TMEM87B: variants seen among roughly 807,000 people sequenced by gnomAD.
TMEM87B encodes transmembrane protein 87B.
A neutral mutation model predicts 80.3 loss-of-function variants in TMEM87B; 83 were observed. That is an observed-to-expected ratio of 1.03 (90% confidence interval 0.87 to 1.24). TMEM87B has a LOEUF of 1.24. TMEM87B is among the 50% of genes most tolerant of loss of function. The probability of loss-of-function intolerance (pLI) is 0.00; values close to 1 mark genes in which losing one functional copy is unlikely to be tolerated. For synonymous variants in TMEM87B, 219 were observed against 230.5 expected (o/e 0.95, Z 0.45); for missense variants, 625 against 674.4 (o/e 0.93, Z 0.81).
chr2:112,084,225 G>A lies in TMEM87B; in HGVS notation c.839-1780G>A, dbSNP rs115228055. On this transcript the variant is annotated intron_variant, in intron 8 of 18. Coordinates refer to ENST00000283206, the MANE Select transcript of TMEM87B (RefSeq NM_032824.3). ...TCAAGAGGAGTATAGACAGCCCATG[G>A]AGGGATTGACAGCACACTCATCCCT... is the stretch of plus-strand genomic sequence containing the variant. Among the ~76,000 whole-genome samples the A allele has an allele frequency of 8.9e-3, 1,354 of 152,220 alleles. 21 individuals are homozygous for A. Among genetic ancestry groups the A allele is most frequent in the African/African-American group, 0.03 (1,229 of 41,506 alleles).
At chr2:112,101,394 C>T (rs1398518104) in intron 15 of TMEM87B, among the ~76,000 whole-genome samples, 1 of 152,038 alleles carries the variant, frequency 6.6e-6, no homozygotes, top group African/African-American at 2.4e-5. Flanking sequence ...AGTGGCTTAA[C>T]CTCTAGCTAC....
chr2:112,083,351 GT>G (rs1219606025), intron 8 of TMEM87B, among the ~76,000 whole-genome samples: 1 of 152,142 alleles, frequency 6.6e-6, no homozygotes, highest in Non-Finnish European at 1.5e-5. Context: ...GACCGCTGCT[GT>G]TTTCTGTGGT....
At chr2:112,087,256 C>T (rs1165940080) in intron 9 of TMEM87B, among the ~76,000 whole-genome samples, 3 of 152,144 alleles carry the variant, frequency 2.0e-5, no homozygotes, top group African/African-American at 7.2e-5. Flanking sequence ...GGGGAATTTG[C>T]CCAAAAAGAG....
At chr2:112,082,570 TA>T (rs2104477225) in intron 8 of TMEM87B, among the ~76,000 whole-genome samples, 1 of 152,214 alleles carries the variant, frequency 6.6e-6, no homozygotes, top group East Asian at 1.9e-4. Flanking sequence ...ATAAAAAGTT[TA>T]AAAGGACATG....
chr2:112,090,022 T>G (rs1164651472), intron 10 of TMEM87B, among the ~76,000 whole-genome samples: 1 of 152,262 alleles, frequency 6.6e-6, no homozygotes, highest in East Asian at 1.9e-4. Context: ...ATTATGCAGC[T>G]GGTATACCTT....
intron 8 of TMEM87B, among the ~76,000 whole-genome samples, chr2:112,082,737 G>A (rs1679035601): frequency 6.6e-6 from 1 of 151,480 alleles, no homozygotes; most frequent in Admixed American, 6.6e-5. Context: ...TAGATCTGCT[G>A]CTTAGAATTG....
intron 1 of TMEM87B, among the ~76,000 whole-genome samples, chr2:112,058,047 G>A (rs187083535): frequency 2.6e-5 from 4 of 151,818 alleles, no homozygotes; most frequent in African/African-American, 7.2e-5. Context: ...GGCTGGTCTC[G>A]AACTCCTGAC....
At chr2:112,068,101 C>T (rs1678493576) in intron 4 of TMEM87B, among the ~76,000 whole-genome samples, 1 of 152,114 alleles carries the variant, frequency 6.6e-6, no homozygotes, top group Non-Finnish European at 1.5e-5. Flanking sequence ...GTAATCCCAG[C>T]CACTCAGGAG....
chr2:112,060,165 G>A, intron 2 of TMEM87B, 128 bp downstream of exon 2: 3 of 1,062,838 alleles, frequency 2.8e-6, no homozygotes, highest in Non-Finnish European at 3.7e-6. Flanking sequence ...GGCCAACATA[G>A]TGAAACCCCG....
intron 4 of TMEM87B, among the ~76,000 whole-genome samples, chr2:112,068,675 G>T (rs563340282): frequency 2.6e-5 from 4 of 151,980 alleles, no homozygotes; most frequent in Admixed American, 2.6e-4. Flanking sequence ...CTGCACTCCA[G>T]CCTGGGCAAC....
Position 112,066,942 on chromosome 2 carries a change from T to C in TMEM87B, c.325T>C (p.Phe109Leu). Reference sequence around the variant, plus strand: ...AGAATTTTACCTTATATAGGAGCTGTTCCAAAAACATAAACTTAGTGTTGA... The same window carrying C: ...AGAATTTTACCTTATATAGGAGCTGCTCCAAAAACATAAACTTAGTGTTGA... ...HNEHSNLEEL[F>L]QKHKLSVDED... The change falls in exon 4 of 19, where the codon TTC (phenylalanine) becomes CTC (leucine). Residue 109 changes from phenylalanine (F) to leucine (L), a missense_variant. Coordinates refer to ENST00000283206, the MANE Select transcript of TMEM87B (RefSeq NM_032824.3). 1.9e-6 allele frequency: 3 copies of C among 1,601,714 alleles called. No homozygotes were observed. Among genetic ancestry groups the C allele is most frequent in the Non-Finnish European group, 2.6e-6 (3 of 1,175,974 alleles).
In TMEM87B at chr2:112,086,119, G is replaced by A; in HGVS notation, c.938+15G>A. 1 of 1,606,256 alleles carries A rather than the reference G, an allele frequency of 6.2e-7. No homozygotes were observed. The highest frequency in any genetic ancestry group is 8.5e-7 in the Non-Finnish European group (1 of 1,174,464). On this transcript the variant is annotated intron_variant, in intron 9 of 18. Coordinates refer to ENST00000283206, the MANE Select transcript of TMEM87B (RefSeq NM_032824.3). Reference sequence around the variant, plus strand: ...GGCATTGTGAAGTAAGTACTGGCGTGTGGGAAAAATGCTGGGTCCCAGCCC... The same window carrying A: ...GGCATTGTGAAGTAAGTACTGGCGTATGGGAAAAATGCTGGGTCCCAGCCC...
At chr2:112,069,247 G>C (rs970627739) in intron 4 of TMEM87B, among the ~76,000 whole-genome samples, 1 of 148,746 alleles carries the variant, frequency 6.7e-6, no homozygotes, top group Non-Finnish European at 1.5e-5. Context: ...TTTGTTGTAC[G>C]AATTATTTCC....
intron 3 of TMEM87B, among the ~76,000 whole-genome samples, chr2:112,066,521 T>C (rs1678442383): frequency 6.6e-6 from 1 of 152,246 alleles, no homozygotes; most frequent in Non-Finnish European, 1.5e-5. Flanking sequence ...TGCACTCAGC[T>C]ACCTTTGCTG....
rs1680099215 is a variant in TMEM87B at position 112,119,262 on chromosome 2, G to C, written c.*3119G>C. Reference sequence around the variant, plus strand: ...AAGGGTTTTCATTTGAAAAATTGATGTATTTTGTGCCTTAATATTTTGTTC... The same window carrying C: ...AAGGGTTTTCATTTGAAAAATTGATCTATTTTGTGCCTTAATATTTTGTTC... On this transcript the variant is annotated 3_prime_UTR_variant, in exon 19 of 19. Transcript: ENST00000283206. The C allele has an allele frequency of 6.6e-6, 1 of 152,234 alleles. No individual in the cohort carries two copies. Among genetic ancestry groups the C allele is most frequent in the South Asian group, 2.1e-4 (1 of 4,820 alleles). 9.4% of individuals were successfully genotyped at this position (152,234 alleles called of 1,614,324 possible). A position where few individuals can be genotyped will look rare whatever the true frequency, so the allele number is the denominator to read the frequency against.
chr2:112,097,426 C>T, intron 13 of TMEM87B, 135 bp downstream of exon 13: 2 of 890,290 alleles, frequency 2.2e-6, no homozygotes, highest in East Asian at 2.9e-5. Context: ...CTATTTTTTA[C>T]AGAGTTATAA....
intron 6 of TMEM87B, among the ~76,000 whole-genome samples, chr2:112,080,811 A>G (rs1678973195): frequency 1.3e-5 from 2 of 152,158 alleles, no homozygotes; most frequent in African/African-American, 2.4e-5. Context: ...TGCTCAGACC[A>G]GTGTTATGTA....
chr2:112,084,672 A>G (rs1331697533), intron 8 of TMEM87B, among the ~76,000 whole-genome samples: 1 of 152,242 alleles, frequency 6.6e-6, no homozygotes, highest in African/African-American at 2.4e-5. Flanking sequence ...AACTGAAAAC[A>G]TCAGATGGAT....
At chr2:112,091,857 A>G (rs973146750) in intron 11 of TMEM87B, 74 bp downstream of exon 11, 34 of 1,172,670 alleles carry the variant, frequency 2.9e-5, no homozygotes, top group South Asian at 9.5e-5. Flanking sequence ...TGTAATAACA[A>G]TAGAAAGAAA....
Sources: allele counts gnomAD v4.1 joint callset (sites outside exome capture counted in the v4.1 genomes callset), GRCh38; gene constraint gnomAD v4.1.1; transcripts MANE v1.5; gene names NCBI Gene and HGNC (gene_info 2026-07-23, HGNC 2026-07-21).